MACROD2: variants seen among roughly 807,000 people sequenced by gnomAD.
MACROD2 encodes the protein ADP-ribose glycohydrolase MACROD2.
MACROD2 carries 36 observed loss-of-function variants against 70.4 expected under a neutral mutation model. That is an observed-to-expected ratio of 0.51 (90% confidence interval 0.39 to 0.68). The LOEUF (loss-of-function observed/expected upper bound fraction) is 0.68, where lower values mean the gene tolerates loss of function less well. Ranked by LOEUF, MACROD2 falls within the 30% of genes least tolerant of loss-of-function variation. The pLI is 0.00. For synonymous variants in MACROD2, 172 were observed against 178.8 expected, an observed-to-expected ratio of 0.96 and a Z score of 0.30; for missense variants, 496 against 538.4, an observed-to-expected ratio of 0.92 and a Z score of 0.78.
intron 8 of MACROD2, among the ~76,000 whole-genome samples, chr20:15,647,332 G>A (rs2049563263): frequency 6.6e-6 from 1 of 152,154 alleles, no homozygotes; most frequent in Admixed American, 6.5e-5. Context: ...AAGCACAGGG[G>A]CAGGAAACAA....
chr20:15,671,194 C>T (rs1029310913), intron 8 of MACROD2, among the ~76,000 whole-genome samples: 6 of 152,166 alleles, frequency 3.9e-5, no homozygotes, highest in African/African-American at 7.2e-5. Context: ...TGTTTGGCCT[C>T]TTCTCTCCAG....
chr20:16,032,148 T>C (rs2067159778), intron 15 of MACROD2, among the ~76,000 whole-genome samples: 1 of 152,190 alleles, frequency 6.6e-6, no homozygotes, highest in African/African-American at 2.4e-5. Context: ...AAACGCATGC[T>C]ATTTTAAAAA....
chr20:14,685,951 T>C (rs549206094), intron 5 of MACROD2, among the ~76,000 whole-genome samples: 3 of 152,182 alleles, frequency 2.0e-5, no homozygotes, highest in African/African-American at 7.2e-5. Context: ...GAATGGAGAA[T>C]AGCGTGTTAT....
In MACROD2 at chr20:15,134,317, A is replaced by G. The variant is rs1401918800; in HGVS notation, c.419-95623A>G. On this transcript the variant is annotated intron_variant, in intron 5 of 17. Transcript: ENST00000684519. ...GGCGGGCGGATCACGAGGTCAGGAG[A>G]TAAAGCTCTCCTCAGCAAATGTAAA... Among the ~76,000 whole-genome samples, 120 of 151,132 alleles carry G rather than the reference A, an allele frequency of 7.9e-4. 1 individual carries two copies. The highest frequency in any genetic ancestry group is 2.5e-3 in the African/African-American group (104 of 41,402).
At chr20:14,190,186 T>C in intron 3 of MACROD2, among the ~76,000 whole-genome samples, 1 of 152,174 alleles carries the variant, frequency 6.6e-6, no homozygotes, top group East Asian at 1.9e-4. Context: ...TAATTCTTCA[T>C]CTGCAAAATG....
intron 6 of MACROD2, among the ~76,000 whole-genome samples, chr20:15,261,434 A>G (rs1324987548): frequency 6.6e-6 from 1 of 151,994 alleles, no homozygotes; most frequent in Non-Finnish European, 1.5e-5. Flanking sequence ...GAGTAGGATT[A>G]ATAAGCAGGT....
chr20:14,284,363 A>T (rs1217514239), intron 3 of MACROD2, among the ~76,000 whole-genome samples: 1 of 152,120 alleles, frequency 6.6e-6, no homozygotes, highest in Non-Finnish European at 1.5e-5. Context: ...ATTTTTGTCT[A>T]CTCTAAGTAT....
chr20:15,771,850 C>T lies in MACROD2; in HGVS notation c.646-90895C>T, dbSNP rs568998145. On this transcript the variant is annotated intron_variant, in intron 8 of 17. Transcript: ENST00000684519. Reference sequence around the variant, plus strand: ...CTGTAATCCCAGCACTTTGGGAGGCCGAGGTGGGCGGATCAAAAGGTCGGG... The same window carrying T: ...CTGTAATCCCAGCACTTTGGGAGGCTGAGGTGGGCGGATCAAAAGGTCGGG... 2.5e-3 allele frequency among the ~76,000 whole-genome samples: 378 copies of T among 150,484 alleles called. 2 individuals are homozygous for T. The highest frequency in any genetic ancestry group is 9.0e-3 in the African/African-American group (368 of 40,858).
At chr20:15,553,673 G>T (rs1345900186) in intron 8 of MACROD2, among the ~76,000 whole-genome samples, 1 of 152,284 alleles carries the variant, frequency 6.6e-6, no homozygotes, top group Admixed American at 6.5e-5. Context: ...ACCTGCCTCA[G>T]CCTCCCAAAA....
At chr20:14,138,120 A>T (rs970243735) in intron 3 of MACROD2, among the ~76,000 whole-genome samples, 3 of 152,186 alleles carry the variant, frequency 2.0e-5, no homozygotes, top group African/African-American at 7.2e-5. Context: ...GTTGGTGATG[A>T]TGTGGAGAAA....
chr20:14,286,585 A>G (rs930033841), intron 3 of MACROD2, among the ~76,000 whole-genome samples: 1 of 152,022 alleles, frequency 6.6e-6, no homozygotes, highest in African/African-American at 2.4e-5. Context: ...AGCAATTTCT[A>G]TTTGTTTTAT....
intron 3 of MACROD2, among the ~76,000 whole-genome samples, chr20:14,201,850 AAATC>A (rs1483637857): frequency 1.3e-5 from 2 of 152,124 alleles, no homozygotes; most frequent in African/African-American, 4.8e-5. Context: ...AAAAAAAAAA[AAATC>A]AATATGTATT....
chr20:16,001,808 AG>A (rs2066713096), intron 15 of MACROD2, among the ~76,000 whole-genome samples: 1 of 152,030 alleles, frequency 6.6e-6, no homozygotes, highest in Admixed American at 6.6e-5. Context: ...CAGGATTAAG[AG>A]GTTCATTTTT....
chr20:14,193,740 C>T (rs1305226911), intron 3 of MACROD2, among the ~76,000 whole-genome samples: 3 of 152,134 alleles, frequency 2.0e-5, no homozygotes, highest in African/African-American at 7.2e-5. Context: ...TGACCCTTTT[C>T]TCTTTTCAAC....
intron 12 of MACROD2, among the ~76,000 whole-genome samples, chr20:15,959,101 C>A (rs1456817640): frequency 6.6e-6 from 1 of 152,168 alleles, no homozygotes; most frequent in Non-Finnish European, 1.5e-5. Context: ...AAAATAATAG[C>A]AGATTAAAAC....
intron 5 of MACROD2, among the ~76,000 whole-genome samples, chr20:14,711,630 G>A (rs566110561): frequency 4.4e-4 from 67 of 152,210 alleles, no homozygotes; most frequent in African/African-American, 1.5e-3. Context: ...TACAGGATCA[G>A]TGAACTAAAT....
chr20:15,643,046 T>C (rs949522903), intron 8 of MACROD2, among the ~76,000 whole-genome samples: 1 of 152,222 alleles, frequency 6.6e-6, no homozygotes, highest in African/African-American at 2.4e-5. Context: ...TTTTCCATAT[T>C]GCAAGAAATA....
intron 5 of MACROD2, among the ~76,000 whole-genome samples, chr20:15,049,689 T>A (rs1189955774): frequency 6.6e-6 from 1 of 152,164 alleles, no homozygotes; most frequent in Non-Finnish European, 1.5e-5. Context: ...GGCTCATGCC[T>A]GTAATCCCAG....
intron 5 of MACROD2, among the ~76,000 whole-genome samples, chr20:15,175,447 TAA>T (rs1158022760): frequency 6.6e-6 from 1 of 151,474 alleles, no homozygotes; most frequent in Admixed American, 6.6e-5. Context: ...AAATAAAATT[TAA>T]AAAAAGATAT....
Sources: allele counts gnomAD v4.1 joint callset (sites outside exome capture counted in the v4.1 genomes callset), GRCh38; gene constraint gnomAD v4.1.1; transcripts MANE v1.5; gene names NCBI Gene and HGNC (gene_info 2026-07-23, HGNC 2026-07-21).